The following ERBB4 variants were observed in gnomAD, a reference collection of about 807,000 sequenced individuals.
The protein encoded by ERBB4 is erb-b2 receptor tyrosine kinase 4.
A neutral mutation model predicts 158.0 loss-of-function variants in ERBB4; 42 were observed. That is an observed-to-expected ratio of 0.27 (90% CI 0.21 to 0.34). The LOEUF (loss-of-function observed/expected upper bound fraction) is 0.34, where lower values mean the gene tolerates loss of function less well. Among genes scored for constraint, ERBB4 ranks in the 10% least tolerant of loss-of-function variants. The probability of loss-of-function intolerance (pLI) is 1.00; values close to 1 mark genes in which losing one functional copy is unlikely to be tolerated. For synonymous variants in ERBB4, 583 were observed against 558.7 expected, an observed-to-expected ratio of 1.04 and a Z score of -0.61; for missense variants, 1,333 against 1,624.1, an observed-to-expected ratio of 0.82 and a Z score of 3.08.
intron 1 of ERBB4, among the ~76,000 whole-genome samples, chr2:212,301,415 A>G (rs2086616916): frequency 6.6e-6 from 1 of 151,482 alleles, no homozygotes; most frequent in Non-Finnish European, 1.5e-5. Flanking sequence ...TTAGAGACCA[A>G]TATATCTCAC....
chr2:212,115,963 C>T (rs1360852484), intron 2 of ERBB4, among the ~76,000 whole-genome samples: 1 of 152,034 alleles, frequency 6.6e-6, no homozygotes, highest in Non-Finnish European at 1.5e-5. Flanking sequence ...AATATATTTG[C>T]AACAAAGGTA....
intron 1 of ERBB4, among the ~76,000 whole-genome samples, chr2:212,337,746 T>C (rs1346566398): frequency 1.3e-5 from 2 of 152,098 alleles, no homozygotes; most frequent in Non-Finnish European, 2.9e-5. Context: ...ATCAATCCAC[T>C]CTTGCTACTT....
chr2:211,676,611 C>T (rs940431570), intron 13 of ERBB4, among the ~76,000 whole-genome samples: 6 of 152,126 alleles, frequency 3.9e-5, no homozygotes, highest in African/African-American at 1.4e-4. Context: ...AGATACCTTA[C>T]GTTCTAGCAT....
intron 3 of ERBB4, among the ~76,000 whole-genome samples, chr2:211,920,960 A>C (rs1254118812): frequency 6.7e-6 from 1 of 150,362 alleles, no homozygotes; most frequent in Non-Finnish European, 1.5e-5. Context: ...TATATTTGAC[A>C]CACTACAATC....
At chr2:212,067,267 G>A (rs189589390) in intron 2 of ERBB4, among the ~76,000 whole-genome samples, 6 of 152,012 alleles carry the variant, frequency 3.9e-5, no homozygotes, top group South Asian at 4.2e-4. Flanking sequence ...GAGCCTATAC[G>A]TGTATTTGTG....
intron 1 of ERBB4, among the ~76,000 whole-genome samples, chr2:212,403,328 G>A (rs903924340): frequency 1.3e-5 from 2 of 151,954 alleles, no homozygotes; most frequent in African/African-American, 4.8e-5. Flanking sequence ...CAGCTACTAC[G>A]AAAAGCAGTA....
At chr2:211,575,110 C>T (rs1179532426) in intron 19 of ERBB4, among the ~76,000 whole-genome samples, 1 of 152,216 alleles carries the variant, frequency 6.6e-6, no homozygotes, top group Non-Finnish European at 1.5e-5. Flanking sequence ...ATCCAGTTCA[C>T]ATTGCATCCA....
intron 1 of ERBB4, among the ~76,000 whole-genome samples, chr2:212,182,035 G>T (rs1212271208): frequency 6.6e-6 from 1 of 151,704 alleles, no homozygotes; most frequent in East Asian, 1.9e-4. Context: ...TATAATTATA[G>T]ATTCACAAGG....
Position 212,055,293 on chromosome 2 carries a change from G to T in ERBB4, c.234+69459C>A, listed in dbSNP as rs377441206. On this transcript the variant is annotated intron_variant, in intron 2 of 27. Transcript: ENST00000342788. ...TGAGGCTTGAGTAGGTAAACAAAGC[G>T]GCCAGGAAGCTCGAACTGGGTGGAG... 3.0e-4 allele frequency among the ~76,000 whole-genome samples: 46 copies of T among 152,294 alleles called. No homozygotes were observed. In the East Asian group the frequency reaches 7.7e-3, roughly 26 times the overall value.
intron 1 of ERBB4, among the ~76,000 whole-genome samples, chr2:212,210,774 A>C (rs2082910382): frequency 6.6e-6 from 1 of 152,012 alleles, no homozygotes; most frequent in African/African-American, 2.4e-5. Context: ...TCTTCTGTTT[A>C]TTCTGGAAAT....
At chr2:211,763,909 C>T (rs1331631640) in intron 4 of ERBB4, among the ~76,000 whole-genome samples, 1 of 151,964 alleles carries the variant, frequency 6.6e-6, no homozygotes, top group African/African-American at 2.4e-5. Flanking sequence ...CACACACACA[C>T]ACACAAATAT....
intron 4 of ERBB4, among the ~76,000 whole-genome samples, chr2:211,774,471 C>G (rs1408617222): frequency 6.6e-6 from 1 of 152,106 alleles, no homozygotes; most frequent in Non-Finnish European, 1.5e-5. Context: ...GGTCTTCTCA[C>G]CTTATTTGTT....
chr2:212,331,722 A>G (rs933992373), intron 1 of ERBB4, among the ~76,000 whole-genome samples: 2 of 152,094 alleles, frequency 1.3e-5, no homozygotes, highest in Non-Finnish European at 2.9e-5. Flanking sequence ...AGAGAAGTAC[A>G]GATTTTAAAT....
chr2:211,459,042 G>A (rs953931348), intron 20 of ERBB4, among the ~76,000 whole-genome samples: 8 of 152,090 alleles, frequency 5.3e-5, no homozygotes, highest in African/African-American at 1.9e-4. Flanking sequence ...TCATAAGCTT[G>A]TCTCATAAAA....
intron 1 of ERBB4, among the ~76,000 whole-genome samples, chr2:212,517,467 CCATT>C (rs1691912059): frequency 6.6e-6 from 1 of 152,038 alleles, no homozygotes; most frequent in African/African-American, 2.4e-5. Flanking sequence ...TCCCACCACA[CCATT>C]ATTATCAATG....
intron 2 of ERBB4, among the ~76,000 whole-genome samples, chr2:211,994,097 T>C (rs1361723187): frequency 6.6e-6 from 1 of 152,102 alleles, no homozygotes; most frequent in Non-Finnish European, 1.5e-5. Flanking sequence ...GTCAAATCTA[T>C]CTATATCTAT....
At chr2:212,179,531 G>C (rs1378693299) in intron 1 of ERBB4, among the ~76,000 whole-genome samples, 1 of 151,482 alleles carries the variant, frequency 6.6e-6, no homozygotes, top group Non-Finnish European at 1.5e-5. Context: ...TATTAACACG[G>C]AGTAGAAAAG....
At chr2:212,267,540 G>T (rs2106107387) in intron 1 of ERBB4, among the ~76,000 whole-genome samples, 1 of 150,138 alleles carries the variant, frequency 6.7e-6, no homozygotes, top group Non-Finnish European at 1.5e-5. Context: ...TATCTTCATT[G>T]GTTTACATTA....
At chr2:211,548,309 G>T (rs1390566087) in intron 20 of ERBB4, among the ~76,000 whole-genome samples, 1 of 150,412 alleles carries the variant, frequency 6.6e-6, no homozygotes, top group Non-Finnish European at 1.5e-5. Flanking sequence ...TAGAAAGATC[G>T]AGAGGGAAAA....
Sources: gnomAD v4.1 joint callset for allele counts (sites outside exome capture counted in the v4.1 genomes callset) on GRCh38, gnomAD v4.1.1 for gene constraint, MANE v1.5 for transcripts, NCBI Gene and HGNC (gene_info 2026-07-23, HGNC 2026-07-21) for gene names.